The following ARHGAP42 variants were observed in gnomAD, a reference collection of about 807,000 sequenced individuals.
The protein encoded by ARHGAP42 is rho GTPase-activating protein 42.
In ARHGAP42, 63 loss-of-function variants were observed where a neutral mutation model predicts 125.0. That is an observed-to-expected ratio of 0.50 (90% CI 0.41 to 0.62). ARHGAP42 has a LOEUF of 0.62. Ranked by LOEUF, ARHGAP42 falls within the 20% of genes least tolerant of loss-of-function variation. The pLI is 0.00. For synonymous variants in ARHGAP42, 339 were observed against 351.0 expected (o/e 0.97, Z 0.38); for missense variants, 766 against 1,024.2 (o/e 0.75, Z 3.44).
intron 1 of ARHGAP42, among the ~76,000 whole-genome samples, chr11:100,735,916 G>C (rs575680430): frequency 1.4e-4 from 22 of 151,902 alleles, no homozygotes; most frequent in African/African-American, 5.1e-4. Context: ...GCGCCCAGCA[G>C]ACTTGTACTT....
At chr11:100,767,657 G>A (rs562760865) in intron 1 of ARHGAP42, among the ~76,000 whole-genome samples, 11 of 152,044 alleles carry the variant, frequency 7.2e-5, no homozygotes, top group African/African-American at 1.9e-4. Context: ...TGGTGGTGGC[G>A]AGGAGGGGAG....
chr11:100,957,685 G>A (rs898205347), intron 12 of ARHGAP42, among the ~76,000 whole-genome samples: 1 of 152,112 alleles, frequency 6.6e-6, no homozygotes, highest in African/African-American at 2.4e-5. Flanking sequence ...CATGACGGGA[G>A]CTAAGTACAG....
intron 3 of ARHGAP42, among the ~76,000 whole-genome samples, chr11:100,853,573 T>TAA (rs2135131482): frequency 6.6e-6 from 1 of 152,308 alleles, no homozygotes; most frequent in South Asian, 2.1e-4. Context: ...CACCTAGAGT[T>TAA]ATGATGTTAA....
intron 1 of ARHGAP42, among the ~76,000 whole-genome samples, chr11:100,738,270 G>A (rs1205138438): frequency 6.6e-6 from 1 of 152,122 alleles, no homozygotes; most frequent in South Asian, 2.1e-4. Context: ...ATATAGTAAC[G>A]TGGAAGCGGG....
In ARHGAP42 at chr11:100,947,537, A is replaced by G. The variant is rs140180419; in HGVS notation, c.1044-920A>G. On this transcript the variant is annotated intron_variant, in intron 10 of 23. Transcript: ENST00000298815. The stretch of plus-strand genomic sequence containing the variant: ...GATTAAATGAGAGAATTAAGGAAAC[A>G]TAACACAGTGCCTGTCACATAGTAA... 2.7e-3 allele frequency among the ~76,000 whole-genome samples: 411 copies of G among 152,086 alleles called. 1 individual carries two copies. Among genetic ancestry groups the G allele is most frequent in the African/African-American group, 9.2e-3 (382 of 41,554 alleles).
chr11:100,744,557 T>TGTGC (rs142374585), intron 1 of ARHGAP42, among the ~76,000 whole-genome samples: 69,516 of 150,452 alleles, frequency 0.46, 16,029 homozygotes, highest in African/African-American at 0.5. Context: ...TGTGTGTGTG[T>TGTGC]GTGTGTGCGT....
At chr11:100,714,937 A>G (rs1861630367) in intron 1 of ARHGAP42, among the ~76,000 whole-genome samples, 1 of 151,388 alleles carries the variant, frequency 6.6e-6, no homozygotes, top group African/African-American at 2.4e-5. Context: ...AGACACAACT[A>G]CTCAGGAGCC....
chr11:100,924,433 G>A (rs1288042120), intron 6 of ARHGAP42, among the ~76,000 whole-genome samples: 3 of 151,938 alleles, frequency 2.0e-5, no homozygotes, highest in Admixed American at 1.3e-4. Context: ...TTGGGAGGCC[G>A]AGGCGGGTGG....
chr11:100,985,306 A>C (rs1054265086), intron 22 of ARHGAP42, among the ~76,000 whole-genome samples: 3 of 152,194 alleles, frequency 2.0e-5, no homozygotes, highest in African/African-American at 7.2e-5. Context: ...GTTCAAAGAA[A>C]TATGACTTAT....
intron 1 of ARHGAP42, among the ~76,000 whole-genome samples, chr11:100,753,186 G>A (rs117284735): frequency 6.6e-6 from 1 of 152,208 alleles, no homozygotes; most frequent in Non-Finnish European, 1.5e-5. Flanking sequence ...TTCTCTGGCC[G>A]CTGGGGTGAT....
At chr11:100,767,444 C>T (rs1862856424) in intron 1 of ARHGAP42, among the ~76,000 whole-genome samples, 1 of 152,174 alleles carries the variant, frequency 6.6e-6, no homozygotes, top group African/African-American at 2.4e-5. Context: ...CCACTGTGTT[C>T]TTGTTTGGGG....
At chr11:100,970,522 G>C (rs1858212399) in intron 17 of ARHGAP42, among the ~76,000 whole-genome samples, 1 of 151,752 alleles carries the variant, frequency 6.6e-6, no homozygotes, top group South Asian at 2.1e-4. Flanking sequence ...AGATTGCTCT[G>C]TTGTTTTTGA....
intron 1 of ARHGAP42, among the ~76,000 whole-genome samples, chr11:100,717,505 C>A (rs921559976): frequency 6.6e-6 from 1 of 151,802 alleles, no homozygotes; most frequent in Non-Finnish European, 1.5e-5. Flanking sequence ...GACGTGGTGG[C>A]GGGCGCCTGT....
chr11:100,913,490 T>C lies in ARHGAP42; in HGVS notation c.423T>C (p.Tyr141=), dbSNP rs995782419. The change falls in exon 5 of 24, where the codon TAT becomes TAC. Residue 141 remains tyrosine (Y), a synonymous_variant. Coordinates refer to ENST00000298815, the MANE Select transcript of ARHGAP42 (RefSeq NM_152432.4). ...KKKFDKESEK[Y]YSILEKHLNL... is the part of the protein sequence containing the mutation. ...AGTTTGACAAAGAGAGTGAAAAATATTACTCTATCCTTGAAAAGCATTTAA... is the reference window on the plus strand; with the variant it reads ...AGTTTGACAAAGAGAGTGAAAAATACTACTCTATCCTTGAAAAGCATTTAA... 1.9e-4 allele frequency: 246 copies of C among 1,296,798 alleles called. No individual in the cohort carries two copies. The highest frequency in any genetic ancestry group is 2.3e-4 in the Non-Finnish European group (230 of 986,114). The allele number at this position is 1,296,798 out of a possible 1,614,324, so 80.3% of individuals were successfully genotyped here.
At chr11:100,869,176 C>G (rs550148710) in intron 4 of ARHGAP42, among the ~76,000 whole-genome samples, 1 of 151,922 alleles carries the variant, frequency 6.6e-6, no homozygotes, top group African/African-American at 2.4e-5. Context: ...ATGAACATTA[C>G]TTATAACTAA....
intron 1 of ARHGAP42, among the ~76,000 whole-genome samples, chr11:100,766,134 C>T (rs182851582): frequency 6.6e-6 from 1 of 152,002 alleles, no homozygotes; most frequent in Non-Finnish European, 1.5e-5. Context: ...AATTAAAGCC[C>T]AGTGTAACTT....
At chr11:100,955,361 A>G (rs1269442189) in intron 12 of ARHGAP42, among the ~76,000 whole-genome samples, 7 of 152,090 alleles carry the variant, frequency 4.6e-5, no homozygotes, top group Non-Finnish European at 1.5e-5. Flanking sequence ...TCTAATTCTC[A>G]TATTACAGAA....
At chr11:100,829,169 G>C (rs993403596) in intron 3 of ARHGAP42, among the ~76,000 whole-genome samples, 1 of 151,932 alleles carries the variant, frequency 6.6e-6, no homozygotes, top group Non-Finnish European at 1.5e-5. Context: ...GCACTTTCTG[G>C]CATCAGGTTC....
chr11:100,885,972 T>C (rs1236423451), intron 4 of ARHGAP42, among the ~76,000 whole-genome samples: 1 of 152,202 alleles, frequency 6.6e-6, no homozygotes, highest in Non-Finnish European at 1.5e-5. Context: ...CTTGATGAGG[T>C]AGGTTTGCAG....
Sources: allele counts gnomAD v4.1 joint callset (sites outside exome capture counted in the v4.1 genomes callset), GRCh38; gene constraint gnomAD v4.1.1; transcripts MANE v1.5; gene names NCBI Gene and HGNC (gene_info 2026-07-23, HGNC 2026-07-21).